MBTD1: variants seen among roughly 807,000 people sequenced by gnomAD.
The protein encoded by MBTD1 is MBT domain-containing protein 1.
MBTD1 carries 24 observed loss-of-function variants against 87.8 expected under a neutral mutation model. That is an observed-to-expected ratio of 0.27 (90% CI 0.20 to 0.38). MBTD1 has a LOEUF of 0.38. Ranked by LOEUF, MBTD1 falls within the 10% of genes least tolerant of loss-of-function variation. MBTD1 has a pLI of 1.00. For missense variants in MBTD1, 436 were observed against 760.2 expected (o/e 0.57, Z 5.02); for synonymous variants, 237 against 248.6 (o/e 0.95, Z 0.44).
At chr17:51,197,350 C>T (rs1031773914) in intron 12 of MBTD1, among the ~76,000 whole-genome samples, 1 of 151,520 alleles carries the variant, frequency 6.6e-6, no homozygotes, top group South Asian at 2.1e-4. Context: ...GATTCTCCTG[C>T]CTCTGCCTCC....
chr17:51,222,321 C>A (rs1036263283), intron 3 of MBTD1, among the ~76,000 whole-genome samples: 1 of 152,210 alleles, frequency 6.6e-6, no homozygotes, highest in South Asian at 2.1e-4. Context: ...GGAGCTAACA[C>A]ATTTGATAAA....
intron 6 of MBTD1, 21 bp from the exon 7 acceptor site, chr17:51,207,026 AATT>A: frequency 6.7e-6 from 9 of 1,340,040 alleles, no homozygotes; most frequent in Non-Finnish European, 9.6e-6. Flanking sequence ...AAAATCATTA[AATT>A]ATTGTCTTAT....
chr17:51,193,287 T>C lies in MBTD1; in HGVS notation c.1455+141A>G, dbSNP rs2050899688. 9.9e-5 allele frequency: 63 copies of C among 635,838 alleles called. 1 individual carries two copies. The South Asian group carries it at 1.4e-3, about 14-fold the overall frequency. The allele number at this position is 635,838 out of a possible 1,614,324, so 39.4% of individuals were successfully genotyped here. A position where few individuals can be genotyped will look rare whatever the true frequency, so the allele number is the denominator to read the frequency against. ...GATTCCTAGGTAAAGAAAATATTTA[T>C]ATTGTTTCATTGCTATATTTGTTTA... On this transcript the variant is annotated intron_variant, in intron 14 of 16. Coordinates refer to ENST00000586178, the MANE Select transcript of MBTD1 (RefSeq NM_017643.3).
intron 16 of MBTD1, chr17:51,183,615 A>C (rs1054999217): frequency 2.6e-5 from 4 of 152,242 alleles, no homozygotes; most frequent in Admixed American, 2.6e-4. Context: ...CATAGCAAAC[A>C]CCCATCAGAC....
chr17:51,212,648 C>T (rs1447457756), intron 6 of MBTD1, among the ~76,000 whole-genome samples: 1 of 3,458 alleles, frequency 2.9e-4, no homozygotes, highest in Non-Finnish European at 5.9e-4. Flanking sequence ...TGCTACAATA[C>T]CCAGGAAAAA....
chr17:51,211,165 A>G (rs1212122907), intron 6 of MBTD1, among the ~76,000 whole-genome samples: 2 of 146,894 alleles, frequency 1.4e-5, no homozygotes, highest in East Asian at 2.0e-4. Flanking sequence ...AAAAAAAAGG[A>G]AAAAAAAATT....
chr17:51,192,017 T>C, intron 16 of MBTD1, 186 bp downstream of exon 16: 1 of 592,280 alleles, frequency 1.7e-6, no homozygotes. Flanking sequence ...TTTCTCCTGT[T>C]AGTAAAATAT....
chr17:51,180,964 TTA>T (rs1425756581), intron 16 of MBTD1, among the ~76,000 whole-genome samples: 3 of 152,180 alleles, frequency 2.0e-5, no homozygotes, highest in African/African-American at 7.2e-5. Context: ...GTATTCACTT[TTA>T]TGTCAATGTT....
intron 6 of MBTD1, among the ~76,000 whole-genome samples, chr17:51,213,396 G>A (rs1207333772): frequency 6.6e-6 from 1 of 152,158 alleles, no homozygotes; most frequent in Non-Finnish European, 1.5e-5. Context: ...CTGGGTTAAA[G>A]TTAAATTACT....
intron 16 of MBTD1, chr17:51,185,154 C>A (rs968094242): frequency 6.6e-6 from 1 of 152,150 alleles, no homozygotes; most frequent in Non-Finnish European, 1.5e-5. Flanking sequence ...GAAAACAGAG[C>A]TAGGTAACAA....
rs1043966734 is a variant in MBTD1 at position 51,179,016 on chromosome 17, G to T, written c.*1560C>A. ...CAATATTTTAGAAAATAAATTGCTG[G>T]TTTTTTTTAACGTTCTATGCATTTT... On this transcript the variant is annotated 3_prime_UTR_variant, in exon 17 of 17. Coordinates refer to ENST00000586178, the MANE Select transcript of MBTD1 (RefSeq NM_017643.3). The T allele has an allele frequency of 1.3e-4, 20 of 151,846 alleles. No homozygotes were observed. Among genetic ancestry groups the T allele is most frequent in the African/African-American group, 2.4e-4 (10 of 41,340 alleles). 9.4% of individuals were successfully genotyped at this position (151,846 alleles called of 1,614,324 possible). A position where few individuals can be genotyped will look rare whatever the true frequency, so the allele number is the denominator to read the frequency against.
chr17:51,219,047 A>G lies in MBTD1; in HGVS notation c.289-3T>C. ...GCTTTCTTTGTTGGAGGCTTACCCTAAAACAAGAAAAGTTAAGTAAATAGG... is the reference window on the plus strand; with the variant it reads ...GCTTTCTTTGTTGGAGGCTTACCCTGAAACAAGAAAAGTTAAGTAAATAGG... On this transcript the variant is annotated splice_region_variant and splice_polypyrimidine_tract_variant and intron_variant, in intron 4 of 16. Transcript: ENST00000586178. The G allele has an allele frequency of 6.8e-7, 1 of 1,478,964 alleles. No individual in the cohort carries two copies. The highest frequency in any genetic ancestry group is 9.3e-7 in the Non-Finnish European group (1 of 1,080,760). 91.6% of individuals were successfully genotyped at this position (1,478,964 alleles called of 1,614,324 possible).
intron 2 of MBTD1, among the ~76,000 whole-genome samples, chr17:51,237,815 C>A (rs2053938451): frequency 6.6e-6 from 1 of 152,144 alleles, no homozygotes; most frequent in Admixed American, 6.6e-5. Context: ...GAAATGAAGG[C>A]ATATACCCAT....
chr17:51,182,403 G>C (rs555007953), intron 16 of MBTD1, among the ~76,000 whole-genome samples: 1 of 151,828 alleles, frequency 6.6e-6, no homozygotes, highest in South Asian at 2.1e-4. Context: ...TTTGGATTAC[G>C]GTGTCAGCCA....
At chr17:51,226,448 A>G (rs1173569604) in intron 2 of MBTD1, among the ~76,000 whole-genome samples, 1 of 151,280 alleles carries the variant, frequency 6.6e-6, no homozygotes, top group Non-Finnish European at 1.5e-5. Flanking sequence ...GGTTGCAGTG[A>G]GTTGAGATCA....
Position 51,180,622 on chromosome 17 carries a change from T to G in MBTD1, c.1841A>C (p.Gln614Pro). ...GAAGTTGGCAGAGCCATTGCTTTCC[T>G]GATCAGACGCTCCTTGAAGGAAATT... ...DYNFLQGASD[Q>P]ESNGSANFYI... The change falls in exon 17 of 17, where the codon CAG becomes CCG. Residue 614 changes from glutamine to proline, a missense_variant. Gln to Pro is a moderately conservative substitution (Grantham distance 76, BLOSUM62 -1). Coordinates refer to ENST00000586178, the MANE Select transcript of MBTD1 (RefSeq NM_017643.3). 6.4e-7 allele frequency: 1 copy of G among 1,551,772 alleles called. No individual in the cohort carries two copies. The highest frequency in any genetic ancestry group is 2.4e-5 in the East Asian group (1 of 40,926).
intron 7 of MBTD1, among the ~76,000 whole-genome samples, chr17:51,205,542 A>G (rs976786011): frequency 2.6e-5 from 4 of 152,200 alleles, no homozygotes; most frequent in African/African-American, 7.2e-5. Context: ...GTTTCAAGAA[A>G]AAGATGGGGA....
At chr17:51,213,879 A>G (rs2052403695) in intron 6 of MBTD1, among the ~76,000 whole-genome samples, 1 of 152,064 alleles carries the variant, frequency 6.6e-6, no homozygotes, top group African/African-American at 2.4e-5. Flanking sequence ...GATTTTTGTT[A>G]GAGAAAAGGG....
At chr17:51,190,673 G>A (rs1053170070) in intron 16 of MBTD1, among the ~76,000 whole-genome samples, 9 of 118,070 alleles carry the variant, frequency 7.6e-5, no homozygotes, top group Non-Finnish European at 1.4e-4. Context: ...AGTGAGCCAA[G>A]ATCATACCAC....
Sources: gnomAD v4.1 joint callset for allele counts (sites outside exome capture counted in the v4.1 genomes callset) on GRCh38, gnomAD v4.1.1 for gene constraint, MANE v1.5 for transcripts, NCBI Gene and HGNC (gene_info 2026-07-23, HGNC 2026-07-21) for gene names.